The following EFHD1 variants were observed in gnomAD, a reference collection of about 807,000 sequenced individuals.
EFHD1 encodes the protein EF-hand domain family member D1.
A neutral mutation model predicts 17.2 loss-of-function variants in EFHD1; 10 were observed. The observed-to-expected ratio is 0.58, with a 90% confidence interval of 0.36 to 0.99. The LOEUF (loss-of-function observed/expected upper bound fraction) is 0.99. Ranked by LOEUF, EFHD1 falls within the 50% of genes least tolerant of loss-of-function variation. The pLI, the probability that EFHD1 is intolerant of heterozygous loss-of-function variation, is 0.01. For synonymous variants in EFHD1, 153 were observed against 142.0 expected, an observed-to-expected ratio of 1.08 and a Z score of -0.55; for missense variants, 310 against 327.5, an observed-to-expected ratio of 0.95 and a Z score of 0.41.
intron 3 of EFHD1, among the ~76,000 whole-genome samples, chr2:232,680,132 A>G (rs188826957): frequency 6.6e-6 from 1 of 151,924 alleles, no homozygotes; most frequent in African/African-American, 2.4e-5. Context: ...AATTAGCCAG[A>G]CGTGTGATGA....
chr2:232,681,903 GGGGTGGGCCAGATGC>G lies in EFHD1; in HGVS notation c.*185_*199del, dbSNP rs1695291227. 4.4e-5 allele frequency: 41 copies of G among 941,556 alleles called. No individual in the cohort carries two copies. Among genetic ancestry groups the G allele is most frequent in the Non-Finnish European group, 5.6e-5 (37 of 663,868 alleles). 58.3% of individuals were successfully genotyped at this position (941,556 alleles called of 1,614,324 possible). A position where few individuals can be genotyped will look rare whatever the true frequency, so the allele number is the denominator to read the frequency against. The stretch of plus-strand genomic sequence containing the variant: ...GTCCAAGCCCCTCCAGGAGGGTCCT[GGGGTGGGCCAGATGC>G]CTGCCCACCTCTGTCTCCTGCCTCT... On this transcript the variant is annotated 3_prime_UTR_variant, in exon 4 of 4. Coordinates refer to ENST00000264059, the MANE Select transcript of EFHD1 (RefSeq NM_025202.4).
rs1386577141 is a variant in EFHD1, at chr2:232,627,054, A to C, written c.14+20881A>C. 9.9e-5 allele frequency among the ~76,000 whole-genome samples: 11 copies of C among 111,646 alleles called. No individual in the cohort carries two copies. The East Asian group carries it at 3.4e-3, about 35-fold the overall frequency. 73.2% of individuals were successfully genotyped at this position (111,646 alleles called of 152,430 possible). A position where few individuals can be genotyped will look rare whatever the true frequency, so the allele number is the denominator to read the frequency against. ...TCTCTCTCTATATATATATATATAT[A>C]TATATATATATTTTTTTTTTTTTTT... On this transcript the variant is annotated intron_variant, in intron 1 of 3. Coordinates refer to the EFHD1 transcript ENST00000409613.
At chr2:232,677,457 T>C (rs987088063) in intron 3 of EFHD1, among the ~76,000 whole-genome samples, 3 of 150,082 alleles carry the variant, frequency 2.0e-5, no homozygotes, top group Non-Finnish European at 3.0e-5. Context: ...CAGTGGCTCA[T>C]GCCTATAATC....
intron 1 of EFHD1, among the ~76,000 whole-genome samples, chr2:232,649,034 C>T (rs1168449549): frequency 6.6e-6 from 1 of 152,136 alleles, no homozygotes; most frequent in Non-Finnish European, 1.5e-5. Context: ...AAAGGCTGGC[C>T]AGCTTCTTTT....
At chr2:232,635,593 C>T (rs1056197952) in intron 1 of EFHD1, among the ~76,000 whole-genome samples, 1 of 152,088 alleles carries the variant, frequency 6.6e-6, no homozygotes, top group Non-Finnish European at 1.5e-5. Context: ...ACGAGGCAGG[C>T]GGATCACCTG....
chr2:232,662,625 A>G (rs923284108), intron 1 of EFHD1, 177 bp from the exon 2 acceptor site: 4 of 691,878 alleles, frequency 5.8e-6, no homozygotes, highest in Non-Finnish European at 8.8e-6. Context: ...TGAGTCATAC[A>G]AAGCCCTGAA....
chr2:232,630,445 C>T (rs558448133), upstream of EFHD1, among the ~76,000 whole-genome samples: 1 of 152,220 alleles, frequency 6.6e-6, no homozygotes, highest in South Asian at 2.1e-4. Flanking sequence ...CCCTCAGGGG[C>T]GGGACATAGC....
chr2:232,615,976 G>A (rs1003449630), intron 1 of EFHD1, among the ~76,000 whole-genome samples: 10 of 151,682 alleles, frequency 6.6e-5, no homozygotes, highest in East Asian at 1.9e-4. Flanking sequence ...CGTGAGCCAC[G>A]GAGCCCAGCC....
At chr2:232,613,241 T>C (rs998962693) in intron 1 of EFHD1, among the ~76,000 whole-genome samples, 3 of 151,856 alleles carry the variant, frequency 2.0e-5, no homozygotes, top group Non-Finnish European at 4.4e-5. Flanking sequence ...CTGACTAATA[T>C]GGTGAAATCC....
At chr2:232,666,573 G>C (rs760842583) in intron 2 of EFHD1, among the ~76,000 whole-genome samples, 1 of 152,204 alleles carries the variant, frequency 6.6e-6, no homozygotes, top group Non-Finnish European at 1.5e-5. Context: ...GCTCCTCCCT[G>C]AATCCATGAT....
At chr2:232,650,291 CT>C (rs869070386) in intron 1 of EFHD1, among the ~76,000 whole-genome samples, 1,967 of 126,732 alleles carry the variant, frequency 0.016, 25 homozygotes, top group African/African-American at 0.037. Flanking sequence ...TCTGGGTTGC[CT>C]TTTTTTTTTT....
intron 1 of EFHD1, among the ~76,000 whole-genome samples, chr2:232,660,057 A>G (rs1159855320): frequency 1.3e-5 from 2 of 152,068 alleles, no homozygotes; most frequent in African/African-American, 4.8e-5. Flanking sequence ...ACTAAGTCCC[A>G]CCTCCAACAC....
At chr2:232,629,503 C>G (rs1559340870), upstream of EFHD1, among the ~76,000 whole-genome samples, 1 of 151,982 alleles carries the variant, frequency 6.6e-6, no homozygotes, top group African/African-American at 2.4e-5. Context: ...GAGTCTCACT[C>G]TGTCTCCCAG....
At chr2:232,668,936 T>G (rs1440012689) in intron 2 of EFHD1, among the ~76,000 whole-genome samples, 2 of 152,170 alleles carry the variant, frequency 1.3e-5, no homozygotes, top group Non-Finnish European at 2.9e-5. Context: ...GCCCAGCCAG[T>G]GCTCCCATCT....
Position 232,633,700 on chromosome 2 carries a change from C to T in EFHD1, c.-5C>T. The T allele has an allele frequency of 7.0e-7, 1 of 1,432,932 alleles. No homozygotes were observed. The highest frequency in any genetic ancestry group is 9.1e-7 in the Non-Finnish European group (1 of 1,103,588). The allele number at this position is 1,432,932 out of a possible 1,614,324, so 88.8% of individuals were successfully genotyped here. The stretch of plus-strand genomic sequence containing the variant: ...CCGCGTTCCCGCGTCCTGCGATCCG[C>T]CGCCATGGCCAGTGAGGAGCTGGCG... On this transcript the variant is annotated 5_prime_UTR_variant, in exon 1 of 4. Coordinates refer to ENST00000264059, the MANE Select transcript of EFHD1 (RefSeq NM_025202.4).
At chr2:232,656,719 G>A (rs533352551) in intron 1 of EFHD1, among the ~76,000 whole-genome samples, 1 of 152,118 alleles carries the variant, frequency 6.6e-6, no homozygotes, top group Non-Finnish European at 1.5e-5. Context: ...TTGGAGGCAT[G>A]CACCACTGCT....
chr2:232,676,423 G>A (rs143694732), intron 3 of EFHD1, among the ~76,000 whole-genome samples: 8 of 152,262 alleles, frequency 5.3e-5, no homozygotes, highest in East Asian at 1.9e-4. Flanking sequence ...CTGTCTGCCC[G>A]GCTGTAATTA....
intron 1 of EFHD1, among the ~76,000 whole-genome samples, chr2:232,613,674 A>C (rs1693852725): frequency 9.5e-6 from 1 of 105,804 alleles, no homozygotes; most frequent in Non-Finnish European, 2.0e-5. Context: ...ACACACACAA[A>C]TATACACACA....
intron 2 of EFHD1, among the ~76,000 whole-genome samples, chr2:232,670,134 C>T (rs1695041161): frequency 2.6e-5 from 4 of 152,076 alleles, no homozygotes; most frequent in Non-Finnish European, 5.9e-5. Flanking sequence ...TGGGAGAGGA[C>T]AGGAAGATGG....
Sources: allele counts gnomAD v4.1 joint callset (sites outside exome capture counted in the v4.1 genomes callset), GRCh38; gene constraint gnomAD v4.1.1; transcripts MANE v1.5; gene names NCBI Gene and HGNC (gene_info 2026-07-23, HGNC 2026-07-21).